The following DGKB variants were observed in gnomAD, a reference collection of about 807,000 sequenced individuals.
DGKB encodes diacylglycerol kinase beta, also known as 90 kDa diacylglycerol kinase.
In DGKB, 67 loss-of-function variants were observed where a neutral mutation model predicts 114.3. The ratio of observed to expected loss-of-function variants is 0.59; its 90% confidence interval spans 0.48 to 0.72. The LOEUF (loss-of-function observed/expected upper bound fraction) is 0.72. Ranked by LOEUF, DGKB falls within the 30% of genes least tolerant of loss-of-function variation. The pLI is 0.00. For synonymous variants in DGKB, 398 were observed against 323.1 expected, an observed-to-expected ratio of 1.23 and a Z score of -2.49; for missense variants, 907 against 975.2, an observed-to-expected ratio of 0.93 and a Z score of 0.93.
intron 1 of DGKB, among the ~76,000 whole-genome samples, chr7:14,922,634 G>C (rs1015800776): frequency 2.6e-5 from 4 of 152,046 alleles, no homozygotes; most frequent in Non-Finnish European, 2.9e-5. Context: ...GTGTAGCCAA[G>C]AACATCCTAA....
chr7:14,685,399 G>C (rs762472794), intron 9 of DGKB, 37 bp from the exon 10 acceptor site: 2 of 1,423,950 alleles, frequency 1.4e-6, no homozygotes, highest in African/African-American at 1.4e-5. Context: ...TTCACTTAAT[G>C]AAATAAACAG....
At chr7:14,973,846 A>T (rs1587487311) in intron 1 of DGKB, among the ~76,000 whole-genome samples, 1 of 148,072 alleles carries the variant, frequency 6.8e-6, no homozygotes, top group African/African-American at 2.4e-5. Flanking sequence ...AATAAATCTA[A>T]AATATATTAT....
intron 25 of DGKB, among the ~76,000 whole-genome samples, chr7:14,150,943 T>C (rs1199368492): frequency 3.9e-5 from 6 of 152,090 alleles, no homozygotes; most frequent in Non-Finnish European, 8.8e-5. Context: ...ATATACAAGC[T>C]CTGCCCCCAA....
chr7:14,239,743 C>T (rs535217146), intron 23 of DGKB, among the ~76,000 whole-genome samples: 2 of 152,106 alleles, frequency 1.3e-5, no homozygotes, highest in South Asian at 4.1e-4. Context: ...TTGCTCCAGA[C>T]TTCCTGCAAG....
intron 23 of DGKB, among the ~76,000 whole-genome samples, chr7:14,211,991 CAT>C (rs1788009178): frequency 2.0e-5 from 1 of 51,132 alleles, no homozygotes; most frequent in Non-Finnish European, 4.5e-5. Flanking sequence ...TATTTACTCT[CAT>C]GTTTTGTGAT....
chr7:14,496,799 A>G (rs553226820), intron 20 of DGKB, among the ~76,000 whole-genome samples: 67 of 151,970 alleles, frequency 4.4e-4, no homozygotes, highest in African/African-American at 1.5e-3. Flanking sequence ...AGATATTTAT[A>G]ATAATTTGAT....
At chr7:14,879,824 C>A (rs1290036814) in intron 1 of DGKB, among the ~76,000 whole-genome samples, 8 of 152,126 alleles carry the variant, frequency 5.3e-5, no homozygotes, top group African/African-American at 1.9e-4. Context: ...AGAAACTGTG[C>A]AAAATGACTA....
intron 1 of DGKB, among the ~76,000 whole-genome samples, chr7:14,915,602 A>C (rs1784204237): frequency 6.6e-6 from 1 of 152,206 alleles, no homozygotes; most frequent in Non-Finnish European, 1.5e-5. Flanking sequence ...GAAGAACAAG[A>C]ATAAGAATTA....
At chr7:14,285,215 C>T (rs1800686175) in intron 23 of DGKB, among the ~76,000 whole-genome samples, 1 of 152,124 alleles carries the variant, frequency 6.6e-6, no homozygotes, top group Non-Finnish European at 1.5e-5. Context: ...TCTGCCCTAG[C>T]AGGGCTCCTA....
intron 20 of DGKB, among the ~76,000 whole-genome samples, chr7:14,515,138 T>G (rs113608216): frequency 6.6e-6 from 1 of 152,132 alleles, no homozygotes; most frequent in Non-Finnish European, 1.5e-5. Flanking sequence ...TAACTAACAA[T>G]TGTTAGGTTT....
chr7:14,233,961 A>C (rs1469790241), intron 23 of DGKB, among the ~76,000 whole-genome samples: 1 of 152,080 alleles, frequency 6.6e-6, no homozygotes, highest in Non-Finnish European at 1.5e-5. Context: ...CCTAAAGCTC[A>C]GAGTGAGAAG....
rs1802023864 is a variant in DGKB at position 14,293,140 on chromosome 7, A to T, written c.2122+45375T>A. Among the ~76,000 whole-genome samples the T allele has an allele frequency of 2.6e-5, 4 of 152,206 alleles. No homozygotes were observed. The South Asian group carries it at 8.3e-4, about 31-fold the overall frequency. ...AGATATTGCTATTTGTTAAATATGA[A>T]CATGGTCAGTTTAATACATGCATTA... On this transcript the variant is annotated intron_variant, in intron 23 of 25. Coordinates refer to ENST00000402815, the MANE Select transcript of DGKB (RefSeq NM_001350709.2).
chr7:14,796,411 G>A (rs947108602), intron 2 of DGKB, among the ~76,000 whole-genome samples: 1 of 152,160 alleles, frequency 6.6e-6, no homozygotes, highest in Non-Finnish European at 1.5e-5. Flanking sequence ...TGCCAAAACT[G>A]TTGTGCCCAG....
intron 1 of DGKB, among the ~76,000 whole-genome samples, chr7:14,967,303 CTTGAT>C (rs908465272): frequency 1.4e-5 from 2 of 139,478 alleles, no homozygotes; most frequent in African/African-American, 5.7e-5. Context: ...TGTTTCCTGA[CTTGAT>C]TTATTTTTAT....
chr7:14,259,770 G>GTAAC (rs539604382), intron 23 of DGKB, among the ~76,000 whole-genome samples: 67 of 152,056 alleles, frequency 4.4e-4, no homozygotes, highest in African/African-American at 1.3e-3. Flanking sequence ...CGTTTGCCTT[G>GTAAC]TAACTATAGA....
chr7:14,375,623 T>C (rs893052801), intron 21 of DGKB, among the ~76,000 whole-genome samples: 2 of 152,222 alleles, frequency 1.3e-5, no homozygotes, highest in Non-Finnish European at 2.9e-5. Flanking sequence ...TCCAGGTCTC[T>C]CTTCGAATGT....
intron 2 of DGKB, among the ~76,000 whole-genome samples, chr7:14,809,496 G>C (rs1314542786): frequency 6.6e-6 from 1 of 152,114 alleles, no homozygotes; most frequent in African/African-American, 2.4e-5. Flanking sequence ...AGAACATGGA[G>C]GTCATATTTT....
At chr7:14,566,108 A>C (rs1797348047) in intron 20 of DGKB, among the ~76,000 whole-genome samples, 1 of 152,162 alleles carries the variant, frequency 6.6e-6, no homozygotes, top group South Asian at 2.1e-4. Flanking sequence ...GGAAAGTATA[A>C]TTTTAAAAAG....
chr7:14,631,700 C>T (rs12672921), intron 13 of DGKB, among the ~76,000 whole-genome samples: 37,751 of 151,848 alleles, frequency 0.25, 5,428 homozygotes, highest in East Asian at 0.59. Context: ...CCAGGGACAA[C>T]GAATATTTGT....
Sources: gnomAD v4.1 joint callset for allele counts (sites outside exome capture counted in the v4.1 genomes callset) on GRCh38, gnomAD v4.1.1 for gene constraint, MANE v1.5 for transcripts, NCBI Gene and HGNC (gene_info 2026-07-23, HGNC 2026-07-21) for gene names.